PTPRN2: variants seen among roughly 807,000 people sequenced by gnomAD.
The protein encoded by PTPRN2 is receptor-type tyrosine-protein phosphatase N2.
A neutral mutation model predicts 118.8 loss-of-function variants in PTPRN2; 74 were observed. That is an observed-to-expected ratio of 0.62 (90% CI 0.52 to 0.76). The LOEUF is 0.76. Among genes scored for constraint, PTPRN2 ranks in the 30% least tolerant of loss-of-function variants. The pLI is 0.00. For missense variants in PTPRN2, 1,481 were observed against 1,394.4 expected (o/e 1.06, Z -0.99); for synonymous variants, 641 against 608.0 (o/e 1.05, Z -0.80).
intron 4 of PTPRN2, among the ~76,000 whole-genome samples, chr7:158,193,523 C>T (rs1825946022): frequency 6.6e-6 from 1 of 152,034 alleles, no homozygotes; most frequent in Non-Finnish European, 1.5e-5. Context: ...GAGGCCTGGG[C>T]ATGCACAGAG....
chr7:157,693,129 G>A (rs1313536981), intron 12 of PTPRN2, among the ~76,000 whole-genome samples: 1 of 151,986 alleles, frequency 6.6e-6, no homozygotes, highest in Non-Finnish European at 1.5e-5. Context: ...GGGGCGGGAA[G>A]AGGGGAAGAC....
Position 157,872,634 on chromosome 7 carries a change from G to T in PTPRN2, c.1788+26039C>A, listed in dbSNP as rs77930518. 6.0e-3 allele frequency among the ~76,000 whole-genome samples: 919 copies of T among 152,372 alleles called. 50 individuals carry two copies. The East Asian group carries it at 0.12, about 20-fold the overall frequency. On this transcript the variant is annotated intron_variant, in intron 12 of 22. Transcript: ENST00000389418. Reference sequence around the variant, plus strand: ...CACTTGGTGGCCTCCTTGGTTTCCCGGTATAACTAAGCACTGAGAGGCGCT... The same window carrying T: ...CACTTGGTGGCCTCCTTGGTTTCCCTGTATAACTAAGCACTGAGAGGCGCT...
chr7:157,612,799 G>C (rs549972154), intron 15 of PTPRN2, among the ~76,000 whole-genome samples: 1 of 150,542 alleles, frequency 6.6e-6, no homozygotes, highest in South Asian at 2.1e-4. Flanking sequence ...ACTCACTTCC[G>C]CCGCACGGGA....
At chr7:158,491,152 G>A (rs910269604) in intron 1 of PTPRN2, among the ~76,000 whole-genome samples, 3 of 152,218 alleles carry the variant, frequency 2.0e-5, no homozygotes, top group African/African-American at 7.2e-5. Context: ...AAAACTAAAC[G>A]TCATTCCAGA....
intron 2 of PTPRN2, among the ~76,000 whole-genome samples, chr7:158,330,086 G>A (rs1035583097): frequency 1.4e-5 from 2 of 144,844 alleles, no homozygotes; most frequent in Non-Finnish European, 3.0e-5. Flanking sequence ...GCTGACACCT[G>A]CAGACGTCAC....
chr7:157,962,612 G>A lies in PTPRN2; in HGVS notation c.1724-63875C>T, dbSNP rs1291997046. On this transcript the variant is annotated intron_variant, in intron 11 of 22. Coordinates refer to ENST00000389418, the MANE Select transcript of PTPRN2 (RefSeq NM_002847.5). ...GCCTTTTATTGGTACCTACACACCC[G>A]GGGTCAGGTGCAGCCTGCACATGGC... Among the ~76,000 whole-genome samples, 7 of 152,294 alleles carry A rather than the reference G, an allele frequency of 4.6e-5. No homozygotes were observed. In the East Asian group the frequency reaches 7.7e-4, roughly 17 times the overall value.
intron 11 of PTPRN2, among the ~76,000 whole-genome samples, chr7:157,982,034 C>A (rs1803212931): frequency 6.7e-6 from 1 of 149,496 alleles, no homozygotes; most frequent in African/African-American, 2.5e-5. Flanking sequence ...TGTGGGGTTC[C>A]CCCCCAAACC....
chr7:158,319,099 C>T lies in PTPRN2; in HGVS notation c.164-2167G>A, dbSNP rs189680676. Among the ~76,000 whole-genome samples, 196 of 152,236 alleles carry T rather than the reference C, an allele frequency of 1.3e-3. 1 individual carries two copies. Among genetic ancestry groups the T allele is most frequent in the African/African-American group, 4.6e-3 (189 of 41,538 alleles). On this transcript the variant is annotated intron_variant, in intron 2 of 22. Transcript: ENST00000389418. ...ATATTTTAAAATTATATTAGACTTT[C>T]TTGAAAACTTTCTTTTAAACATTTA...
chr7:158,023,452 T>TA (rs936061791), intron 11 of PTPRN2, among the ~76,000 whole-genome samples: 13 of 151,974 alleles, frequency 8.6e-5, no homozygotes, highest in African/African-American at 2.4e-4. Flanking sequence ...ATTAACACTC[T>TA]AAAAAAAATT....
chr7:158,063,382 AC>A (rs992528206), intron 11 of PTPRN2, among the ~76,000 whole-genome samples: 7 of 152,294 alleles, frequency 4.6e-5, no homozygotes, highest in African/African-American at 1.4e-4. Flanking sequence ...ACCAATCAGC[AC>A]CCTGTCAAAA....
Position 158,544,104 on chromosome 7 carries a change from G to A in PTPRN2, c.112+43454C>T, listed in dbSNP as rs1349992839. 2.0e-5 allele frequency among the ~76,000 whole-genome samples: 3 copies of A among 152,318 alleles called. No individual in the cohort carries two copies. The highest frequency in any genetic ancestry group is 4.1e-4 in the South Asian group (2 of 4,826). ...GTGCCCCACGCTCAGGAGTGCACCC[G>A]GTGGAGGGGGATATGTACACCCGCC... On this transcript the variant is annotated intron_variant, in intron 1 of 22. Coordinates refer to ENST00000389418, the MANE Select transcript of PTPRN2 (RefSeq NM_002847.5). This position sits in a 1 kb window ranked among gnomAD's most constrained non-coding sequence, Gnocchi z 4.2.
In PTPRN2 at chr7:158,073,626, C is replaced by T. The variant is rs948974460; in HGVS notation, c.1723+7672G>A. ...GTATGAAGACACTGCCCTTTCTATG[C>T]GGAGATGAGGCCGCTTCCTACTAAG... On this transcript the variant is annotated intron_variant, in intron 11 of 22. Transcript: ENST00000389418. 5.3e-5 allele frequency among the ~76,000 whole-genome samples: 8 copies of T among 150,230 alleles called. No individual in the cohort carries two copies. In the East Asian group the frequency reaches 5.8e-4, roughly 11 times the overall value.
intron 11 of PTPRN2, among the ~76,000 whole-genome samples, chr7:157,917,540 C>CTAA (rs1798479347): frequency 6.6e-6 from 1 of 152,192 alleles, no homozygotes; most frequent in Non-Finnish European, 1.5e-5. Context: ...CTGGGAAAAG[C>CTAA]TAATGTCAGC....
intron 2 of PTPRN2, among the ~76,000 whole-genome samples, chr7:158,429,991 T>G (rs1816037795): frequency 6.6e-6 from 1 of 152,216 alleles, no homozygotes; most frequent in Admixed American, 6.5e-5. Context: ...CACTGCAACC[T>G]CTGCCTCCTG....
intron 2 of PTPRN2, among the ~76,000 whole-genome samples, chr7:158,382,759 G>A (rs1811058908): frequency 6.6e-6 from 1 of 152,212 alleles, no homozygotes; most frequent in South Asian, 2.1e-4. Context: ...GCAGTGATGG[G>A]AGTGCTGGGG....
chr7:158,177,124 G>A (rs1173849884), intron 5 of PTPRN2, among the ~76,000 whole-genome samples: 2 of 152,202 alleles, frequency 1.3e-5, no homozygotes, highest in African/African-American at 4.8e-5. Flanking sequence ...CATCCAGAGG[G>A]GAACTGCTGA....
At chr7:158,243,791 CTATAT>C (rs1796028947) in intron 3 of PTPRN2, among the ~76,000 whole-genome samples, 1 of 151,658 alleles carries the variant, frequency 6.6e-6, no homozygotes. Flanking sequence ...CTAGTCACTA[CTATAT>C]ATCTCCTAAG....
intron 17 of PTPRN2, among the ~76,000 whole-genome samples, chr7:157,584,264 C>T (rs1217220344): frequency 6.6e-6 from 1 of 152,208 alleles, no homozygotes; most frequent in Admixed American, 6.5e-5. Flanking sequence ...TCCCTTCCTG[C>T]CTGTGTTAGT....
intron 10 of PTPRN2, among the ~76,000 whole-genome samples, chr7:158,107,941 C>T (rs1234153885): frequency 1.3e-5 from 2 of 151,310 alleles, no homozygotes; most frequent in Non-Finnish European, 3.0e-5. Context: ...GGAAAGTCCC[C>T]TGCCCACTGC....
Sources: allele counts gnomAD v4.1 joint callset (sites outside exome capture counted in the v4.1 genomes callset), GRCh38; gene constraint gnomAD v4.1.1; non-coding constraint Gnocchi (gnomAD v3.1); transcripts MANE v1.5; gene names NCBI Gene and HGNC (gene_info 2026-07-23, HGNC 2026-07-21).